CNTN2: variants seen among roughly 807,000 people sequenced by gnomAD.
CNTN2 encodes contactin 2, also known as contactin-2.
CNTN2 carries 53 observed loss-of-function variants against 117.5 expected under a neutral mutation model. That is an observed-to-expected ratio of 0.45 (90% CI 0.36 to 0.57). The LOEUF is 0.57. Among genes scored for constraint, CNTN2 ranks in the 20% least tolerant of loss-of-function variants. The pLI is 0.00. For synonymous variants in CNTN2, 530 were observed against 561.7 expected (o/e 0.94, Z 0.80); for missense variants, 1,106 against 1,404.3 (o/e 0.79, Z 3.39).
In CNTN2 at chr1:205,065,735, C is replaced by T; in HGVS notation, c.1696-54C>T. On this transcript the variant is annotated intron_variant, in intron 13 of 22. Coordinates refer to ENST00000331830, the MANE Select transcript of CNTN2 (RefSeq NM_005076.5). The surrounding 1 kb of genome is among the most constrained non-coding windows in gnomAD (Gnocchi z 4.1). ...CTGCCTCATGTCTCATGGCCTGCTG[C>T]ACTGGTCAGGGCCGGTGGTCTGACC... 3 of 1,613,148 alleles carry T rather than the reference C, an allele frequency of 1.9e-6. No individual in the cohort carries two copies. The highest frequency in any genetic ancestry group is 2.5e-6 in the Non-Finnish European group (3 of 1,179,824).
At chr1:205,064,799 C>T (rs760883957) in intron 12 of CNTN2, 49 bp downstream of exon 12, 3 of 1,602,604 alleles carry the variant, frequency 1.9e-6, no homozygotes, top group Non-Finnish European at 1.7e-6. Context: ...CCTCAGGGTA[C>T]TGTCCTCCCC....
rs1194267736 is a variant in CNTN2 at position 205,061,325 on chromosome 1, T to G, written c.878T>G (p.Ile293Ser). Residue 293 changes from isoleucine to serine, a missense_variant, in exon 8 of 23, where the codon ATC becomes AGC. Ile to Ser is a moderately radical substitution (Grantham distance 142). Transcript: ENST00000331830. The surrounding 1 kb of genome is among the most constrained non-coding windows in gnomAD (Gnocchi z 4.8). ...ACCACAGCTGAGCCCACCCTGCAGA[T>G]CCCCAGCGTCAGCTTTGAGGATGAG... is the stretch of plus-strand genomic sequence containing the variant. ...QWTTAEPTLQ[I>S]PSVSFEDEGT... 4 of 1,613,952 alleles carry G rather than the reference T, an allele frequency of 2.5e-6. No homozygotes were observed. The highest frequency in any genetic ancestry group is 3.4e-6 in the Non-Finnish European group (4 of 1,179,968).
In CNTN2 at chr1:205,058,388, G is replaced by C. The variant is rs981124388; in HGVS notation, c.391+32G>C. 1.3e-6 allele frequency: 2 copies of C among 1,534,846 alleles called. No homozygotes were observed. Among genetic ancestry groups the C allele is most frequent in the African/African-American group, 1.4e-5 (1 of 72,778 alleles). ...CCCGCGGGGGACCAAGACACTTTGG[G>C]GGAGGGGGAGAGGGGGCTAGGAGAA... On this transcript the variant is annotated intron_variant, in intron 4 of 22. Transcript: ENST00000331830. The surrounding 1 kb of genome is among the most constrained non-coding windows in gnomAD (Gnocchi z 4.3).
chr1:205,059,056 T>C lies in CNTN2; in HGVS notation c.488-28T>C. ...GTGGCCCTGTTAGCCCAGCACCCCC[T>C]GGTTTCCTCAAACTCCTCACATCCT... is the stretch of plus-strand genomic sequence containing the variant. On this transcript the variant is annotated intron_variant, in intron 5 of 22. Transcript: ENST00000331830. This position sits in a 1 kb window ranked among gnomAD's most constrained non-coding sequence, Gnocchi z 5.6. 1 of 1,610,204 alleles carries C rather than the reference T, an allele frequency of 6.2e-7. No homozygotes were observed. Among genetic ancestry groups the C allele is most frequent in the Non-Finnish European group, 8.5e-7 (1 of 1,176,610 alleles).
intron 1 of CNTN2, among the ~76,000 whole-genome samples, chr1:205,044,957 C>T (rs546447393): frequency 3.7e-4 from 57 of 152,194 alleles, no homozygotes; most frequent in Non-Finnish European, 6.6e-4. Flanking sequence ...GGGCTTTTGC[C>T]ACAAGGTCAG....
At chr1:205,054,536 T>C (rs2096458006) in intron 2 of CNTN2, among the ~76,000 whole-genome samples, 1 of 152,180 alleles carries the variant, frequency 6.6e-6, no homozygotes, top group African/African-American at 2.4e-5. Flanking sequence ...GCGCCTGGGC[T>C]TCTAGCATCC....
chr1:205,059,054 C>A lies in CNTN2; in HGVS notation c.488-30C>A. 1 of 1,609,000 alleles carries A rather than the reference C, an allele frequency of 6.2e-7. No individual in the cohort carries two copies. Among genetic ancestry groups the A allele is most frequent in the East Asian group, 2.2e-5 (1 of 44,786 alleles). On this transcript the variant is annotated intron_variant, in intron 5 of 22. Coordinates refer to ENST00000331830, the MANE Select transcript of CNTN2 (RefSeq NM_005076.5). This position sits in a 1 kb window ranked among gnomAD's most constrained non-coding sequence, Gnocchi z 5.6. ...GAGTGGCCCTGTTAGCCCAGCACCC[C>A]CTGGTTTCCTCAAACTCCTCACATC...
In CNTN2 at chr1:205,073,278, G is replaced by A. The variant is rs768335776; in HGVS notation, c.3013+42G>A. ...ACCCTTATCCCCTCGAGAGATTCAG[G>A]ATCCACCCAGATACCTGAGAGGATC... is the stretch of plus-strand genomic sequence containing the variant. On this transcript the variant is annotated intron_variant, in intron 22 of 22. Coordinates refer to ENST00000331830, the MANE Select transcript of CNTN2 (RefSeq NM_005076.5). This position sits in a 1 kb window ranked among gnomAD's most constrained non-coding sequence, Gnocchi z 6.3. 8.8e-6 allele frequency: 14 copies of A among 1,599,258 alleles called. No homozygotes were observed. Among genetic ancestry groups the A allele is most frequent in the Non-Finnish European group, 1.2e-5 (14 of 1,170,160 alleles).
chr1:205,055,224 G>T (rs968782050), intron 2 of CNTN2, among the ~76,000 whole-genome samples: 1 of 152,158 alleles, frequency 6.6e-6, no homozygotes, highest in Non-Finnish European at 1.5e-5. Context: ...ATGTTGGCCA[G>T]GCTGGTCTCG....
At chr1:205,072,363 C>G in intron 20 of CNTN2, 120 bp from the exon 21 acceptor site, 1 of 768,062 alleles carries the variant, frequency 1.3e-6, no homozygotes, top group African/African-American at 1.9e-5. Flanking sequence ...GTGGGCATGA[C>G]AGAATGTGCT....
chr1:205,074,847 T>G lies in CNTN2; in HGVS notation c.*1082T>G, dbSNP rs983881503. The G allele has an allele frequency of 2.5e-6, 1 of 398,530 alleles. No individual in the cohort carries two copies. Among genetic ancestry groups the G allele is most frequent in the African/African-American group, 2.1e-5 (1 of 48,632 alleles). The allele number at this position is 398,530 out of a possible 1,614,324, so 24.7% of individuals were successfully genotyped here. ...GGCAGAGGATAAATGTGGCCCTGCC[T>G]GCTCCCAGGTATACCTAGGACCACC... On this transcript the variant is annotated 3_prime_UTR_variant, in exon 23 of 23. Coordinates refer to ENST00000331830, the MANE Select transcript of CNTN2 (RefSeq NM_005076.5).
chr1:205,052,364 T>A (rs1383706502), intron 1 of CNTN2, among the ~76,000 whole-genome samples: 1 of 152,196 alleles, frequency 6.6e-6, no homozygotes, highest in East Asian at 1.9e-4. Flanking sequence ...TCTGACTTGC[T>A]CTCAGCAGCT....
chr1:205,071,144 C>T (rs1307644920), intron 19 of CNTN2, among the ~76,000 whole-genome samples: 1 of 152,172 alleles, frequency 6.6e-6, no homozygotes, highest in Admixed American at 6.5e-5. Flanking sequence ...TGGCCTGCCC[C>T]TTTCATCCCA....
chr1:205,056,147 G>C (rs1402074316), intron 2 of CNTN2, among the ~76,000 whole-genome samples: 1 of 152,144 alleles, frequency 6.6e-6, no homozygotes, highest in Non-Finnish European at 1.5e-5. Flanking sequence ...GAGGAGAAAG[G>C]TTTCTCGGGA....
At chr1:205,045,738 C>G (rs1272393992) in intron 1 of CNTN2, among the ~76,000 whole-genome samples, 5 of 152,052 alleles carry the variant, frequency 3.3e-5, no homozygotes, top group Non-Finnish European at 7.4e-5. Flanking sequence ...AAGAATATGC[C>G]AGGGAAGCCA....
At chr1:205,055,389 G>A (rs759694114) in intron 2 of CNTN2, among the ~76,000 whole-genome samples, 3 of 152,300 alleles carry the variant, frequency 2.0e-5, no homozygotes, top group African/African-American at 7.2e-5. Flanking sequence ...AAGTGTGGGT[G>A]TGTGAGGGTG....
chr1:205,067,556 T>A (rs374747430), intron 16 of CNTN2: 1 of 261,662 alleles, frequency 3.8e-6, no homozygotes, highest in African/African-American at 2.2e-5. Flanking sequence ...AGAGTCACAT[T>A]GACAGAGCTT....
chr1:205,069,578 A>G lies in CNTN2; in HGVS notation c.2196+17A>G, dbSNP rs1654476879. The G allele has an allele frequency of 7.5e-6, 12 of 1,610,646 alleles. No individual in the cohort carries two copies. The highest frequency in any genetic ancestry group is 1.7e-5 in the Admixed American group (1 of 59,908). ...AACTGGACGGTAAGCTGCAAGGGTC[A>G]GATGTCCTCCTCCTCCTCCCTGACC... On this transcript the variant is annotated intron_variant, in intron 17 of 22. Transcript: ENST00000331830.
intron 16 of CNTN2, chr1:205,068,408 A>G (rs925928439): frequency 7.2e-5 from 11 of 152,224 alleles, no homozygotes; most frequent in African/African-American, 2.7e-4. Flanking sequence ...TTTTTCTAGA[A>G]TCACTCAACA....
Sources: allele counts gnomAD v4.1 joint callset (sites outside exome capture counted in the v4.1 genomes callset), GRCh38; gene constraint gnomAD v4.1.1; non-coding constraint Gnocchi (gnomAD v3.1); transcripts MANE v1.5; gene names NCBI Gene and HGNC (gene_info 2026-07-23, HGNC 2026-07-21).